RIMS1: variants seen among roughly 807,000 people sequenced by gnomAD.
RIMS1 encodes the protein regulating synaptic membrane exocytosis 1.
In RIMS1, 83 loss-of-function variants were observed where a neutral mutation model predicts 214.1. The ratio of observed to expected loss-of-function variants is 0.39; its 90% CI spans 0.32 to 0.47. The LOEUF (loss-of-function observed/expected upper bound fraction) is 0.47. RIMS1 is among the 20% of genes least tolerant of loss of function. The probability of loss-of-function intolerance (pLI) is 0.99; values close to 1 mark genes in which losing one functional copy is unlikely to be tolerated. For missense variants in RIMS1, 2,050 were observed against 2,161.8 expected (o/e 0.95, Z 1.03); for synonymous variants, 793 against 786.8 (o/e 1.01, Z -0.13).
intron 2 of RIMS1, among the ~76,000 whole-genome samples, chr6:72,030,954 CTT>C (rs1443939446): frequency 6.6e-6 from 1 of 152,122 alleles, no homozygotes; most frequent in Non-Finnish European, 1.5e-5. Context: ...GGATTTTTAA[CTT>C]TGGTTCTATT....
At chr6:71,973,471 C>G (rs1796393966) in intron 2 of RIMS1, among the ~76,000 whole-genome samples, 1 of 152,154 alleles carries the variant, frequency 6.6e-6, no homozygotes, top group African/African-American at 2.4e-5. Flanking sequence ...GTGTGCCTTT[C>G]ATGGAATAGT....
chr6:72,195,758 T>C (rs2050757254), intron 6 of RIMS1, among the ~76,000 whole-genome samples: 2 of 152,130 alleles, frequency 1.3e-5, no homozygotes, highest in African/African-American at 4.8e-5. Context: ...TATTAGTCCA[T>C]TCTCTTACTG....
intron 2 of RIMS1, among the ~76,000 whole-genome samples, chr6:71,991,934 A>T (rs1254353528): frequency 6.6e-6 from 1 of 152,156 alleles, no homozygotes; most frequent in Non-Finnish European, 1.5e-5. Flanking sequence ...GCTTGTTGGC[A>T]GGTGCCTGTA....
At chr6:71,903,808 A>G (rs1774473101) in intron 1 of RIMS1, among the ~76,000 whole-genome samples, 1 of 152,008 alleles carries the variant, frequency 6.6e-6, no homozygotes, top group African/African-American at 2.4e-5. Context: ...ATGCATATTA[A>G]GTCTGCACTA....
At position 71,886,775 on chromosome 6, in the gene RIMS1, C is replaced by G. The variant is rs868415047; in HGVS notation, c.-249C>G. 93 of 354,344 alleles carry G rather than the reference C, an allele frequency of 2.6e-4. No homozygotes were observed. The Middle Eastern group carries it at 6.7e-3, about 26-fold the overall frequency. The allele number at this position is 354,344 out of a possible 1,614,324, so 21.9% of individuals were successfully genotyped here. On this transcript the variant is annotated 5_prime_UTR_variant, in exon 1 of 34. Transcript: ENST00000521978. Reference sequence around the variant, plus strand: ...GCTGCGGGAGGCGGCCGGGCGGCCCCGAGCTTCGCTAGGGCGACCAAAACA... The same window carrying G: ...GCTGCGGGAGGCGGCCGGGCGGCCCGGAGCTTCGCTAGGGCGACCAAAACA...
At position 72,002,696 on chromosome 6, in the gene RIMS1, C is replaced by T. The variant is rs147065022; in HGVS notation, c.245+33633C>T. Among the ~76,000 whole-genome samples the T allele has an allele frequency of 1.4e-4, 22 of 152,160 alleles. No homozygotes were observed. The East Asian group carries it at 1.9e-3, about 13-fold the overall frequency. On this transcript the variant is annotated intron_variant, in intron 2 of 33. Coordinates refer to ENST00000521978, the MANE Select transcript of RIMS1 (RefSeq NM_014989.7). ...TGTGGAACCCGCAGAGCTGTGTGAA[C>T]GGGGAACTCAGGGCAGGATCAGGCA...
At chr6:72,285,084 AAAT>A (rs1379409894) in intron 24 of RIMS1, among the ~76,000 whole-genome samples, 1 of 152,184 alleles carries the variant, frequency 6.6e-6, no homozygotes, top group Non-Finnish European at 1.5e-5. Context: ...AGAGGCCTGA[AAAT>A]AAAATTGGAG....
At chr6:72,123,056 G>A (rs1562365854) in intron 4 of RIMS1, among the ~76,000 whole-genome samples, 2 of 151,686 alleles carry the variant, frequency 1.3e-5, no homozygotes, top group Non-Finnish European at 2.9e-5. Flanking sequence ...CTCTTTTAAT[G>A]TGATGTTAGG....
At chr6:72,102,828 A>T (rs1355131009) in intron 4 of RIMS1, among the ~76,000 whole-genome samples, 5 of 152,150 alleles carry the variant, frequency 3.3e-5, no homozygotes, top group Non-Finnish European at 7.4e-5. Context: ...AACCATTTTT[A>T]AAATGATTTG....
chr6:71,971,813 A>G (rs532037388), intron 2 of RIMS1, among the ~76,000 whole-genome samples: 5 of 152,262 alleles, frequency 3.3e-5, no homozygotes, highest in East Asian at 3.9e-4. Context: ...ACCTGCCCTC[A>G]TGATTCAATT....
At chr6:72,135,037 G>A (rs1051597957) in intron 4 of RIMS1, among the ~76,000 whole-genome samples, 4 of 152,080 alleles carry the variant, frequency 2.6e-5, no homozygotes, top group Admixed American at 2.6e-4. Flanking sequence ...TAATGCAGAA[G>A]ACTGGATCAA....
intron 28 of RIMS1, among the ~76,000 whole-genome samples, chr6:72,319,676 A>G (rs1461356251): frequency 1.3e-5 from 2 of 151,964 alleles, no homozygotes; most frequent in Non-Finnish European, 2.9e-5. Flanking sequence ...TTTTTCACTT[A>G]GTCATAGATT....
intron 1 of RIMS1, among the ~76,000 whole-genome samples, chr6:71,954,197 C>T (rs1234231000): frequency 1.3e-5 from 2 of 152,102 alleles, no homozygotes; most frequent in Non-Finnish European, 2.9e-5. Flanking sequence ...TGATATAAGA[C>T]ATATTTTGGT....
chr6:72,255,504 G>C (rs1056447372), intron 16 of RIMS1, among the ~76,000 whole-genome samples: 1 of 152,090 alleles, frequency 6.6e-6, no homozygotes, highest in Non-Finnish European at 1.5e-5. Flanking sequence ...TTTCCAGTTA[G>C]GGAAATGTAG....
chr6:72,105,702 TA>T (rs2034606759), intron 4 of RIMS1, among the ~76,000 whole-genome samples: 1 of 152,212 alleles, frequency 6.6e-6, no homozygotes, highest in Non-Finnish European at 1.5e-5. Context: ...AGTATAACTA[TA>T]ATGCTATGTT....
At chr6:71,931,344 T>A (rs571923608) in intron 1 of RIMS1, among the ~76,000 whole-genome samples, 1 of 152,126 alleles carries the variant, frequency 6.6e-6, no homozygotes, top group East Asian at 1.9e-4. Flanking sequence ...ACAATCTTAT[T>A]TTCAGTGAGT....
At chr6:72,008,888 C>T (rs1287028312) in intron 2 of RIMS1, among the ~76,000 whole-genome samples, 2 of 152,108 alleles carry the variant, frequency 1.3e-5, no homozygotes, top group Non-Finnish European at 2.9e-5. Context: ...GACTTTAACA[C>T]CCCACTGTCA....
In RIMS1 at chr6:72,333,787, G is replaced by T; in HGVS notation, c.4318G>T (p.Ala1440Ser). 6.3e-7 allele frequency: 1 copy of T among 1,596,284 alleles called. No individual in the cohort carries two copies. Residue 1440 changes from alanine (A) to serine (S), a missense_variant, in exon 29 of 34, where the codon GCC becomes TCC. Around this residue, in one of 6 missense-constraint regions of RIMS1, gnomAD observed 889 missense variants for 885.5 expected, o/e 1.00. Transcript: ENST00000521978. ...RRSSLSAKVV[A>S]IVSRRSRSTS... is the part of the protein sequence containing the mutation. ...ATCCAGCCTTAGTGCCAAAGTGGTTGCCATAGTGTCTCGAAGGAGTAGAAG... is the reference window on the plus strand; with the variant it reads ...ATCCAGCCTTAGTGCCAAAGTGGTTTCCATAGTGTCTCGAAGGAGTAGAAG...
At chr6:72,136,123 A>G (rs1320406442) in intron 4 of RIMS1, among the ~76,000 whole-genome samples, 1 of 152,190 alleles carries the variant, frequency 6.6e-6, no homozygotes, top group Admixed American at 6.5e-5. Context: ...AGAACTGAGG[A>G]CAGAATCAGT....
Sources: gnomAD v4.1 joint callset for allele counts (sites outside exome capture counted in the v4.1 genomes callset) on GRCh38, gnomAD v4.1.1 for gene constraint, gnomAD v4.1.1 regional missense constraint, MANE v1.5 for transcripts, NCBI Gene and HGNC (gene_info 2026-07-23, HGNC 2026-07-21) for gene names.